ZMYND8: variants seen among roughly 807,000 people sequenced by gnomAD.
The protein encoded by ZMYND8 is MYND-type zinc finger-containing chromatin reader ZMYND8.
In ZMYND8, 37 loss-of-function variants were observed where a neutral mutation model predicts 140.8. The observed-to-expected ratio is 0.26, with a 90% CI of 0.20 to 0.35. ZMYND8 has a LOEUF of 0.35. Among genes scored for constraint, ZMYND8 ranks in the 10% least tolerant of loss-of-function variants. The probability of loss-of-function intolerance (pLI) is 1.00; values close to 1 mark genes in which losing one functional copy is unlikely to be tolerated. For missense variants in ZMYND8, 1,068 were observed against 1,570.0 expected, an observed-to-expected ratio of 0.68 and a Z score of 5.40; for synonymous variants, 592 against 597.1, an observed-to-expected ratio of 0.99 and a Z score of 0.12.
intron 5 of ZMYND8, among the ~76,000 whole-genome samples, chr20:47,293,695 G>C (rs897250357): frequency 6.6e-6 from 1 of 152,188 alleles, no homozygotes; most frequent in Non-Finnish European, 1.5e-5. Context: ...GGGTGTTATA[G>C]GAGGTTTCAC....
At chr20:47,306,270 C>T (rs1483635175) in intron 3 of ZMYND8, among the ~76,000 whole-genome samples, 2 of 151,832 alleles carry the variant, frequency 1.3e-5, no homozygotes, top group Admixed American at 1.3e-4. Context: ...TGACATGTGC[C>T]GATAGTCCCA....
In ZMYND8 at chr20:47,210,890, G is replaced by A; in HGVS notation, c.3576C>T (p.Ser1192=). The A allele has an allele frequency of 1.2e-6, 2 of 1,613,814 alleles. No individual in the cohort carries two copies. Among genetic ancestry groups the A allele is most frequent in the Non-Finnish European group, 1.7e-6 (2 of 1,179,798 alleles). ...TGCTCCAACTGGATTTATTACTCCG[G>A]GAATGGTCTGAGGGGGAAAACCAAT... The part of the protein sequence containing the change: ...HPNYPAQKYH[S]RSNKSSWSSS... Residue 1192 remains serine, a synonymous_variant, in exon 23 of 23, where the codon TCC becomes TCT. Coordinates refer to ENST00000471951, the MANE Select transcript of ZMYND8 (RefSeq NM_001281775.3).
intron 2 of ZMYND8, among the ~76,000 whole-genome samples, chr20:47,337,717 G>C (rs1304907431): frequency 6.6e-6 from 1 of 152,064 alleles, no homozygotes; most frequent in Non-Finnish European, 1.5e-5. Context: ...GCATCGAGAT[G>C]GCACTTCCCA....
intron 16 of ZMYND8, among the ~76,000 whole-genome samples, chr20:47,232,838 C>G (rs907264722): frequency 6.6e-6 from 1 of 152,098 alleles, no homozygotes; most frequent in Admixed American, 6.5e-5. Context: ...CAAGAAGTCT[C>G]AGTTTGGTGC....
At chr20:47,270,697 G>GAAAAAAAAAAAAAAAAAAAA (rs34474269) in intron 11 of ZMYND8, among the ~76,000 whole-genome samples, 1 of 86,662 alleles carries the variant, frequency 1.2e-5, no homozygotes, top group Non-Finnish European at 2.1e-5. Flanking sequence ...CCCTGTCTCT[G>GAAAAAAAAAAAAAAAAAAAA]AAAAAAAAAA....
At chr20:47,319,348 G>C (rs1288633870) in intron 2 of ZMYND8, 3 of 259,900 alleles carry the variant, frequency 1.2e-5, no homozygotes, top group African/African-American at 6.7e-5. Flanking sequence ...CAGTTGTTCT[G>C]CTGGCCGAGG....
chr20:47,299,862 G>A (rs951716796), intron 3 of ZMYND8, among the ~76,000 whole-genome samples: 2 of 152,232 alleles, frequency 1.3e-5, no homozygotes, highest in South Asian at 2.1e-4. Context: ...GATTACAGGC[G>A]TGAGCCACTG....
At chr20:47,215,339 C>T (rs969096412) in intron 21 of ZMYND8, among the ~76,000 whole-genome samples, 5 of 152,058 alleles carry the variant, frequency 3.3e-5, no homozygotes, top group Admixed American at 3.3e-4. Context: ...CACCACTGCA[C>T]TCCAGCCTGG....
chr20:47,264,232 C>T (rs776294004), intron 11 of ZMYND8, among the ~76,000 whole-genome samples: 2 of 152,182 alleles, frequency 1.3e-5, no homozygotes, highest in African/African-American at 4.8e-5. Flanking sequence ...TGGCGCCGAG[C>T]AAGTGCTCAA....
In ZMYND8 at chr20:47,247,248, C is replaced by G. The variant is rs575617502; in HGVS notation, c.1775-731G>C. ...CTGATGAAAGAGCGGAAAATCTAGCCGCTCTGGGTCACCAGCCTGCCAGGC... is the reference window on the plus strand; with the variant it reads ...CTGATGAAAGAGCGGAAAATCTAGCGGCTCTGGGTCACCAGCCTGCCAGGC... On this transcript the variant is annotated intron_variant, in intron 13 of 22. Coordinates refer to ENST00000471951, the MANE Select transcript of ZMYND8 (RefSeq NM_001281775.3). Among the ~76,000 whole-genome samples, 3 of 152,194 alleles carry G rather than the reference C, an allele frequency of 2.0e-5. No individual in the cohort carries two copies. The South Asian group carries it at 6.2e-4, about 32-fold the overall frequency.
chr20:47,341,607 A>G (rs1192603055), intron 2 of ZMYND8, among the ~76,000 whole-genome samples: 2 of 151,702 alleles, frequency 1.3e-5, no homozygotes, highest in Non-Finnish European at 2.9e-5. Context: ...GCGGTGGTTC[A>G]TGCCTACAAT....
chr20:47,322,175 A>G (rs1436466029), intron 2 of ZMYND8, among the ~76,000 whole-genome samples: 1 of 151,810 alleles, frequency 6.6e-6, no homozygotes, highest in Non-Finnish European at 1.5e-5. Context: ...TGTTTCATTG[A>G]TAAGGTAATG....
chr20:47,311,608 G>C (rs996689117), intron 2 of ZMYND8, among the ~76,000 whole-genome samples: 1 of 151,820 alleles, frequency 6.6e-6, no homozygotes, highest in African/African-American at 2.4e-5. Flanking sequence ...AGATTGTTGG[G>C]TCAAAGGCCA....
At chr20:47,330,739 G>A (rs928511047) in intron 2 of ZMYND8, among the ~76,000 whole-genome samples, 1 of 152,174 alleles carries the variant, frequency 6.6e-6, no homozygotes, top group Non-Finnish European at 1.5e-5. Context: ...CTGGATTAAT[G>A]CTGAAAACAA....
chr20:47,229,928 A>G, intron 16 of ZMYND8, 122 bp from the exon 17 acceptor site: 2 of 782,360 alleles, frequency 2.6e-6, no homozygotes, highest in Non-Finnish European at 4.0e-6. Context: ...TTTGTCCCGC[A>G]TGAGACACTG....
At chr20:47,309,176 A>G (rs2078724978) in intron 3 of ZMYND8, among the ~76,000 whole-genome samples, 1 of 152,192 alleles carries the variant, frequency 6.6e-6, no homozygotes, top group South Asian at 2.1e-4. Flanking sequence ...TTTCCTATCT[A>G]GCTGACTGGT....
intron 2 of ZMYND8, among the ~76,000 whole-genome samples, chr20:47,340,436 A>G (rs1217706556): frequency 6.6e-6 from 1 of 151,808 alleles, no homozygotes; most frequent in East Asian, 1.9e-4. Flanking sequence ...CTATGATGGC[A>G]ACTGTGAATA....
chr20:47,313,591 C>A (rs1187400019), intron 2 of ZMYND8, among the ~76,000 whole-genome samples: 2 of 151,084 alleles, frequency 1.3e-5, no homozygotes, highest in East Asian at 2.0e-4. Context: ...CACTGCACTC[C>A]AACCTGGGCA....
rs187586121 is a variant in ZMYND8, at chr20:47,219,603, T to G, written c.3484+655A>C. The stretch of plus-strand genomic sequence containing the variant: ...GCAAAAACCTTGAATGAAGTAAAAC[T>G]GTCTTCCACCAGGAAGACACCTTCT... On this transcript the variant is annotated intron_variant, in intron 21 of 22. Coordinates refer to ENST00000471951, the MANE Select transcript of ZMYND8 (RefSeq NM_001281775.3). Among the ~76,000 whole-genome samples, 31 of 151,658 alleles carry G rather than the reference T, an allele frequency of 2.0e-4. No individual in the cohort carries two copies. The South Asian group carries it at 4.2e-3, about 20-fold the overall frequency.
Sources: allele counts gnomAD v4.1 joint callset (sites outside exome capture counted in the v4.1 genomes callset), GRCh38; gene constraint gnomAD v4.1.1; transcripts MANE v1.5; gene names NCBI Gene and HGNC (gene_info 2026-07-23, HGNC 2026-07-21).